The following NOS1AP variants were observed in gnomAD, a reference collection of about 807,000 sequenced individuals.
NOS1AP encodes carboxyl-terminal PDZ ligand of neuronal nitric oxide synthase protein.
A neutral mutation model predicts 56.2 loss-of-function variants in NOS1AP; 21 were observed. That is an observed-to-expected ratio of 0.37 (90% CI 0.26 to 0.54). NOS1AP has a LOEUF of 0.54. Ranked by LOEUF, NOS1AP falls within the 20% of genes least tolerant of loss-of-function variation. NOS1AP has a pLI of 0.84. For synonymous variants in NOS1AP, 270 were observed against 274.6 expected (o/e 0.98, Z 0.17); for missense variants, 522 against 657.8 (o/e 0.79, Z 2.26).
In NOS1AP at chr1:162,300,809, C is replaced by T. The variant is rs1655625994; in HGVS notation, c.344+103C>T. ...GTGGATCCAGGCAAATTTAAATAAA[C>T]TTCTATGCTTTTCCCTCCTGAGACC... On this transcript the variant is annotated intron_variant, in intron 4 of 9. Coordinates refer to ENST00000361897, the MANE Select transcript of NOS1AP (RefSeq NM_014697.3). The T allele has an allele frequency of 5.7e-5, 54 of 945,884 alleles. No individual in the cohort carries two copies. The South Asian group carries it at 6.7e-4, about 12-fold the overall frequency. The allele number at this position is 945,884 out of a possible 1,614,324, so 58.6% of individuals were successfully genotyped here.
At chr1:162,144,681 G>A (rs1486760836) in intron 1 of NOS1AP, among the ~76,000 whole-genome samples, 2 of 152,136 alleles carry the variant, frequency 1.3e-5, no homozygotes, top group Non-Finnish European at 2.9e-5. Context: ...CCCGGCCTCT[G>A]CCTCACACCT....
chr1:162,213,571 C>T (rs1652443963), intron 2 of NOS1AP, among the ~76,000 whole-genome samples: 1 of 152,200 alleles, frequency 6.6e-6, no homozygotes, highest in Admixed American at 6.5e-5. Context: ...CATTCAGTTG[C>T]CCAATCTGCA....
chr1:162,245,031 G>A (rs1653615139), intron 2 of NOS1AP, among the ~76,000 whole-genome samples: 1 of 152,302 alleles, frequency 6.6e-6, no homozygotes, highest in South Asian at 2.1e-4. Flanking sequence ...CTGAGATTGT[G>A]TGCTACCATG....
At chr1:162,155,237 CATAT>C (rs1557807957) in intron 2 of NOS1AP, among the ~76,000 whole-genome samples, 5 of 17,168 alleles carry the variant, frequency 2.9e-4, no homozygotes, top group South Asian at 6.1e-3. Context: ...TATATATATA[CATAT>C]ACATATACAC....
At chr1:162,070,642 G>A (rs1427617658) in intron 1 of NOS1AP, among the ~76,000 whole-genome samples, 1 of 152,146 alleles carries the variant, frequency 6.6e-6, no homozygotes, top group Non-Finnish European at 1.5e-5. Flanking sequence ...ATCGGTTTAA[G>A]GAAGCTCTGG....
chr1:162,266,369 A>G (rs1278715219), intron 2 of NOS1AP, among the ~76,000 whole-genome samples: 2 of 152,224 alleles, frequency 1.3e-5, no homozygotes, highest in Non-Finnish European at 2.9e-5. Flanking sequence ...GAATGTTACC[A>G]AGCATGTGGG....
At chr1:162,205,959 A>G (rs1571126284) in intron 2 of NOS1AP, among the ~76,000 whole-genome samples, 1 of 152,174 alleles carries the variant, frequency 6.6e-6, no homozygotes, top group African/African-American at 2.4e-5. Flanking sequence ...ACAGAGGTCT[A>G]TGTCTGTTTG....
At chr1:162,341,081 A>T (rs1235478865) in intron 5 of NOS1AP, among the ~76,000 whole-genome samples, 1 of 152,134 alleles carries the variant, frequency 6.6e-6, no homozygotes, top group Non-Finnish European at 1.5e-5. Flanking sequence ...TTATCCTCTT[A>T]TTTAAATCTG....
intron 4 of NOS1AP, among the ~76,000 whole-genome samples, chr1:162,322,597 A>G (rs1046962919): frequency 7.9e-5 from 12 of 152,194 alleles, no homozygotes; most frequent in African/African-American, 2.9e-4. Context: ...GATGTGTATC[A>G]TATCCCTGGA....
intron 2 of NOS1AP, among the ~76,000 whole-genome samples, chr1:162,186,195 C>T (rs1651425758): frequency 6.6e-6 from 1 of 152,154 alleles, no homozygotes. Flanking sequence ...GTTGGCACCA[C>T]GTTATAATGC....
intron 1 of NOS1AP, among the ~76,000 whole-genome samples, chr1:162,079,286 G>C (rs1436530155): frequency 6.6e-6 from 1 of 152,082 alleles, no homozygotes. Context: ...ATTAGAATCT[G>C]AATATAGAAC....
chr1:162,171,123 A>G (rs1650760394), intron 2 of NOS1AP, among the ~76,000 whole-genome samples: 1 of 152,122 alleles, frequency 6.6e-6, no homozygotes, highest in Non-Finnish European at 1.5e-5. Context: ...GGATCCCAGC[A>G]CACTCAGCAT....
intron 1 of NOS1AP, among the ~76,000 whole-genome samples, chr1:162,147,353 AG>A (rs1394544779): frequency 1.3e-5 from 2 of 149,236 alleles, no homozygotes; most frequent in Non-Finnish European, 3.0e-5. Flanking sequence ...AAAAAAAAAA[AG>A]ATAAATACAT....
intron 1 of NOS1AP, among the ~76,000 whole-genome samples, chr1:162,071,051 A>G (rs1351736601): frequency 6.6e-6 from 1 of 152,096 alleles, no homozygotes; most frequent in Admixed American, 6.5e-5. Flanking sequence ...ACTCCCTGTG[A>G]TGCACCTCCC....
chr1:162,219,054 T>C (rs919302825), intron 2 of NOS1AP, among the ~76,000 whole-genome samples: 1 of 152,024 alleles, frequency 6.6e-6, no homozygotes, highest in African/African-American at 2.4e-5. Context: ...GGTATTATCT[T>C]CTAGTGGCTA....
chr1:162,352,900 C>G (rs1399033579), intron 6 of NOS1AP, among the ~76,000 whole-genome samples: 4 of 152,326 alleles, frequency 2.6e-5, no homozygotes, highest in Non-Finnish European at 4.4e-5. Flanking sequence ...CAGACTCTTA[C>G]AATGTCAACA....
At chr1:162,277,607 A>G (rs1347476340) in intron 2 of NOS1AP, among the ~76,000 whole-genome samples, 1 of 152,198 alleles carries the variant, frequency 6.6e-6, no homozygotes, top group African/African-American at 2.4e-5. Context: ...ACTATGGGGA[A>G]ATTCAACGGG....
At chr1:162,277,056 C>T (rs1399783888) in intron 2 of NOS1AP, among the ~76,000 whole-genome samples, 1 of 152,124 alleles carries the variant, frequency 6.6e-6, no homozygotes, top group Non-Finnish European at 1.5e-5. Context: ...GTCTGTGGAC[C>T]AGTAGTGTCA....
intron 2 of NOS1AP, among the ~76,000 whole-genome samples, chr1:162,180,377 T>G (rs2102144554): frequency 6.6e-6 from 1 of 152,266 alleles, no homozygotes; most frequent in South Asian, 2.1e-4. Flanking sequence ...TCTGAGTAGC[T>G]GGGACCACAG....
Sources: allele counts gnomAD v4.1 joint callset (sites outside exome capture counted in the v4.1 genomes callset), GRCh38; gene constraint gnomAD v4.1.1; transcripts MANE v1.5; gene names NCBI Gene and HGNC (gene_info 2026-07-23, HGNC 2026-07-21).